The following UBA2 variants were observed in gnomAD, a reference collection of about 807,000 sequenced individuals.
The protein encoded by UBA2 is ubiquitin like modifier activating enzyme 2, also known as SUMO-activating enzyme subunit 2.
Under a neutral mutation model 77.2 loss-of-function variants are expected in UBA2, and 11 were observed. The observed-to-expected ratio is 0.14, with a 90% CI of 0.09 to 0.24. The LOEUF (loss-of-function observed/expected upper bound fraction) is 0.24, where lower values mean the gene tolerates loss of function less well. UBA2 is among the 10% of genes least tolerant of loss of function. The probability of loss-of-function intolerance (pLI) is 1.00; values close to 1 mark genes in which losing one functional copy is unlikely to be tolerated. For missense variants in UBA2, 487 were observed against 781.7 expected (o/e 0.62, Z 4.50); for synonymous variants, 278 against 276.7 (o/e 1.00, Z -0.05).
intron 16 of UBA2, among the ~76,000 whole-genome samples, chr19:34,468,092 C>T (rs573204910): frequency 9.9e-5 from 15 of 152,138 alleles, no homozygotes; most frequent in Non-Finnish European, 1.8e-4. Flanking sequence ...TTCCAAATAA[C>T]TGATTGTTTA....
At chr19:34,459,599 G>T (rs1263148982) in intron 13 of UBA2, among the ~76,000 whole-genome samples, 2 of 152,180 alleles carry the variant, frequency 1.3e-5, no homozygotes, top group Non-Finnish European at 2.9e-5. Flanking sequence ...ACATGGTCTG[G>T]TCCTTAAGTT....
intron 12 of UBA2, among the ~76,000 whole-genome samples, 188 bp from the exon 13 acceptor site, chr19:34,458,558 CAAAAAAAAAAAAAAAAAAAAAAA>C (rs60349858): frequency 3.5e-4 from 21 of 60,632 alleles, no homozygotes; most frequent in Admixed American, 5.5e-4. Flanking sequence ...GACTCCGTCT[CAAAAAAAAAAAAAAAAAAAAAAA>C]AAAAAAAAAA....
rs34620023 is a variant in UBA2 at position 34,455,892 on chromosome 19, G to T, written c.1245+1336G>T. Reference sequence around the variant, plus strand: ...CCTGACCTCATGATCCGCCCACCTCGGCCTCCCAAAGTGCTGGGATTACAG... The same window carrying T: ...CCTGACCTCATGATCCGCCCACCTCTGCCTCCCAAAGTGCTGGGATTACAG... On this transcript the variant is annotated intron_variant, in intron 12 of 16. Coordinates refer to ENST00000246548, the MANE Select transcript of UBA2 (RefSeq NM_005499.3). Among the ~76,000 whole-genome samples the T allele has an allele frequency of 3.1e-3, 464 of 151,706 alleles. 2 individuals are homozygous for T. Among genetic ancestry groups the T allele is most frequent in the African/African-American group, 0.01 (434 of 41,400 alleles).
intron 6 of UBA2, among the ~76,000 whole-genome samples, chr19:34,443,164 C>T (rs2075389162): frequency 6.6e-6 from 1 of 152,126 alleles, no homozygotes; most frequent in Non-Finnish European, 1.5e-5. Flanking sequence ...GGACTCTGCA[C>T]CTGAGGTATA....
In UBA2 at chr19:34,460,324, G is replaced by C; in HGVS notation, c.1402-146G>C. ...TCAGGTGAATCCCCACGGCTTTCCT[G>C]CTTGCTCTAAGGGATCTTGAAGAGT... On this transcript the variant is annotated intron_variant, in intron 13 of 16. Coordinates refer to ENST00000246548, the MANE Select transcript of UBA2 (RefSeq NM_005499.3). 9.7e-6 allele frequency: 6 copies of C among 619,070 alleles called. No homozygotes were observed. In the South Asian group the frequency reaches 1.2e-4, roughly 13 times the overall value. The allele number at this position is 619,070 out of a possible 1,614,324, so 38.3% of individuals were successfully genotyped here. A position where few individuals can be genotyped will look rare whatever the true frequency, so the allele number is the denominator to read the frequency against.
chr19:34,469,273 A>T lies in UBA2; in HGVS notation c.*52A>T. ...CTTACTATTTAGTTTATCTGGGCAG[A>T]ACCAGATTGTTATGTCCTTTGTTCC... On this transcript the variant is annotated 3_prime_UTR_variant, in exon 17 of 17. Coordinates refer to ENST00000246548, the MANE Select transcript of UBA2 (RefSeq NM_005499.3). The T allele has an allele frequency of 6.9e-7, 1 of 1,451,444 alleles. No homozygotes were observed. The highest frequency in any genetic ancestry group is 9.1e-7 in the Non-Finnish European group (1 of 1,100,800). 89.9% of individuals were successfully genotyped at this position (1,451,444 alleles called of 1,614,324 possible).
At chr19:34,445,714 A>C (rs1323035959) in intron 8 of UBA2, among the ~76,000 whole-genome samples, 1 of 152,054 alleles carries the variant, frequency 6.6e-6, no homozygotes, top group Non-Finnish European at 1.5e-5. Context: ...ATGGGATTAT[A>C]GGCGTGAGCC....
At position 34,430,630 on chromosome 19, in the gene UBA2, A is replaced by G; in HGVS notation, c.193A>G (p.Lys65Glu). The G allele has an allele frequency of 1.2e-6, 2 of 1,613,886 alleles. No individual in the cohort carries two copies. The highest frequency in any genetic ancestry group is 1.7e-6 in the Non-Finnish European group (2 of 1,179,848). Residue 65 changes from lysine (K) to glutamate (E), a missense_variant, in exon 2 of 17, where the codon AAG becomes GAG. Transcript: ENST00000246548. ...CCTCAACAGACAGTTTTTGTTTCAA[A>G]AGAAACATGTTGGAAGATCAAAGGC... ...SNLNRQFLFQ[K>E]KHVGRSKAQV...
intron 10 of UBA2, among the ~76,000 whole-genome samples, chr19:34,453,064 T>C (rs2075519310): frequency 6.6e-6 from 1 of 152,212 alleles, no homozygotes; most frequent in African/African-American, 2.4e-5. Flanking sequence ...AGTCCACATG[T>C]AATGGGTGTG....
chr19:34,452,410 T>C (rs1421752663), intron 10 of UBA2, among the ~76,000 whole-genome samples: 1 of 152,202 alleles, frequency 6.6e-6, no homozygotes, highest in African/African-American at 2.4e-5. Flanking sequence ...ATAACGTGAA[T>C]ATATTAAAGT....
chr19:34,439,734 CAGTTG>C (rs1419721256), intron 6 of UBA2, among the ~76,000 whole-genome samples: 1 of 151,900 alleles, frequency 6.6e-6, no homozygotes, highest in Admixed American at 6.6e-5. Context: ...GTAGGAGGAT[CAGTTG>C]AGCCTGGGAG....
chr19:34,428,736 G>T, intron 1 of UBA2, 166 bp downstream of exon 1: 1 of 1,154,792 alleles, frequency 8.7e-7, no homozygotes, highest in Non-Finnish European at 1.1e-6. Flanking sequence ...CCCGCGGGAG[G>T]AGACTGTTCT....
At chr19:34,434,690 T>C (rs1453125679) in intron 4 of UBA2, among the ~76,000 whole-genome samples, 178 bp from the exon 5 acceptor site, 4 of 152,212 alleles carry the variant, frequency 2.6e-5, no homozygotes, top group Non-Finnish European at 5.9e-5. Context: ...ATTTGATATT[T>C]TGCTAAGTGA....
At chr19:34,438,549 T>C in intron 5 of UBA2, 96 bp from the exon 6 acceptor site, 1 of 1,437,928 alleles carries the variant, frequency 7.0e-7, no homozygotes, top group Non-Finnish European at 9.5e-7. Flanking sequence ...ACGTAAAACG[T>C]AGTTGGAATA....
intron 5 of UBA2, among the ~76,000 whole-genome samples, chr19:34,437,359 C>T (rs987428947): frequency 6.6e-6 from 1 of 150,510 alleles, no homozygotes; most frequent in Non-Finnish European, 1.5e-5. Context: ...CCTGTAATCC[C>T]AGCACTTTGG....
chr19:34,458,746 T>G (rs1177336918), intron 12 of UBA2, 23 bp from the exon 13 acceptor site: 1 of 1,599,644 alleles, frequency 6.3e-7, no homozygotes, highest in Non-Finnish European at 8.5e-7. Flanking sequence ...TTCCGATTTC[T>G]GCCTGTTATT....
intron 12 of UBA2, among the ~76,000 whole-genome samples, chr19:34,456,667 C>T (rs902349378): frequency 6.6e-6 from 1 of 151,964 alleles, no homozygotes; most frequent in Non-Finnish European, 1.5e-5. Flanking sequence ...AAGTGATTCT[C>T]CTGCCTCAGC....
intron 10 of UBA2, among the ~76,000 whole-genome samples, chr19:34,452,458 G>C (rs1029116429): frequency 7.9e-5 from 12 of 152,178 alleles, no homozygotes; most frequent in Non-Finnish European, 1.6e-4. Flanking sequence ...ATTCATAGAA[G>C]TCATAAAATC....
At chr19:34,448,601 C>T (rs946899872) in intron 8 of UBA2, among the ~76,000 whole-genome samples, 73 of 151,906 alleles carry the variant, frequency 4.8e-4, no homozygotes, top group Non-Finnish European at 7.5e-4. Flanking sequence ...TGCTGTTCTC[C>T]GATATAAGTG....
Sources: allele counts gnomAD v4.1 joint callset (sites outside exome capture counted in the v4.1 genomes callset), GRCh38; gene constraint gnomAD v4.1.1; transcripts MANE v1.5; gene names NCBI Gene and HGNC (gene_info 2026-07-23, HGNC 2026-07-21).